Variants in ITSN1 observed in about 807,000 individuals in gnomAD.
ITSN1 encodes the protein intersectin 1.
ITSN1 carries 58 observed loss-of-function variants against 239.8 expected under a neutral mutation model. That is an observed-to-expected ratio of 0.24 (90% CI 0.20 to 0.30). The LOEUF is 0.30. ITSN1 is among the 10% of genes least tolerant of loss of function. The pLI, the probability that ITSN1 is intolerant of heterozygous loss-of-function variation, is 1.00. For synonymous variants in ITSN1, 780 were observed against 770.8 expected, an observed-to-expected ratio of 1.01 and a Z score of -0.20; for missense variants, 1,558 against 2,103.3, an observed-to-expected ratio of 0.74 and a Z score of 5.07.
intron 11 of ITSN1, among the ~76,000 whole-genome samples, chr21:33,768,087 C>A (rs1055899189): frequency 1.3e-5 from 2 of 152,050 alleles, no homozygotes; most frequent in African/African-American, 2.4e-5. Flanking sequence ...AACTGCTAAA[C>A]AAAAATTATG....
chr21:33,665,541 A>C (rs2089874712), intron 1 of ITSN1, among the ~76,000 whole-genome samples: 1 of 152,224 alleles, frequency 6.6e-6, no homozygotes, highest in Non-Finnish European at 1.5e-5. Flanking sequence ...GCTGGTGTGA[A>C]TGTAGCATGG....
intron 33 of ITSN1, among the ~76,000 whole-genome samples, chr21:33,870,502 AC>A (rs1456794234): frequency 6.6e-6 from 1 of 152,238 alleles, no homozygotes; most frequent in Non-Finnish European, 1.5e-5. Flanking sequence ...GCTATGAGAT[AC>A]ATATGAAATC....
rs542006305 is a variant in ITSN1, at chr21:33,643,707, C to A, written c.-33+994C>A. 2.6e-5 allele frequency: 4 copies of A among 152,246 alleles called. No homozygotes were observed. The South Asian group carries it at 8.3e-4, about 32-fold the overall frequency. 9.4% of individuals were successfully genotyped at this position (152,246 alleles called of 1,614,324 possible). ...GTGCTATTCTGAGGGCAGCAGCAAC[C>A]TGGAAATTTAGATACATGCAGGCTC... is the stretch of plus-strand genomic sequence containing the variant. On this transcript the variant is annotated intron_variant, in intron 1 of 39. Transcript: ENST00000381318.
chr21:33,771,808 G>A (rs535476064), intron 11 of ITSN1, among the ~76,000 whole-genome samples: 9 of 152,288 alleles, frequency 5.9e-5, no homozygotes, highest in East Asian at 1.9e-4. Context: ...GGGAAGGAAA[G>A]GAGTCTGGAT....
chr21:33,657,685 A>G (rs1477319813), intron 1 of ITSN1, among the ~76,000 whole-genome samples: 1 of 152,220 alleles, frequency 6.6e-6, no homozygotes, highest in East Asian at 1.9e-4. Context: ...GGTCCCCAAC[A>G]CAGGCAAATC....
At chr21:33,814,266 A>G (rs79996975) in intron 22 of ITSN1, 194 bp downstream of exon 22, 5,826 of 541,618 alleles carry the variant, frequency 0.011, 86 homozygotes, top group Non-Finnish European at 0.013. Flanking sequence ...GGGGTGGGAC[A>G]CAGTCAACTT....
intron 14 of ITSN1, among the ~76,000 whole-genome samples, chr21:33,778,148 C>G (rs971952449): frequency 4.6e-5 from 7 of 152,170 alleles, no homozygotes; most frequent in Admixed American, 2.0e-4. Context: ...GTATATTACC[C>G]TTTATTAAAA....
At chr21:33,871,888 A>G (rs1358318308) in intron 33 of ITSN1, among the ~76,000 whole-genome samples, 2 of 152,206 alleles carry the variant, frequency 1.3e-5, no homozygotes, top group East Asian at 1.9e-4. Flanking sequence ...CTCTTGGGCA[A>G]GTTGGGCCTC....
intron 4 of ITSN1, among the ~76,000 whole-genome samples, chr21:33,728,654 A>G (rs1010692371): frequency 6.6e-6 from 1 of 152,090 alleles, no homozygotes; most frequent in Non-Finnish European, 1.5e-5. Flanking sequence ...TTCAGGTTTC[A>G]GTTCATATGT....
intron 1 of ITSN1, among the ~76,000 whole-genome samples, chr21:33,711,689 T>C (rs887494994): frequency 8.9e-5 from 13 of 145,708 alleles, no homozygotes; most frequent in Non-Finnish European, 1.7e-4. Flanking sequence ...TGTGTGTGTG[T>C]GTTGTGTAAT....
chr21:33,731,720 T>C (rs750963045), intron 4 of ITSN1, among the ~76,000 whole-genome samples: 14 of 152,190 alleles, frequency 9.2e-5, no homozygotes, highest in Non-Finnish European at 1.6e-4. Flanking sequence ...TGTGATCGGA[T>C]TGGTAATTAC....
chr21:33,740,617 A>G (rs948388843), intron 5 of ITSN1, among the ~76,000 whole-genome samples: 1 of 152,298 alleles, frequency 6.6e-6, no homozygotes, highest in South Asian at 2.1e-4. Context: ...GAGGCTTGGA[A>G]GAGGGGAGAG....
At chr21:33,664,152 A>G (rs890625076) in intron 1 of ITSN1, among the ~76,000 whole-genome samples, 1 of 152,146 alleles carries the variant, frequency 6.6e-6, no homozygotes, top group Non-Finnish European at 1.5e-5. Flanking sequence ...TTTATAAAGA[A>G]AAAGGTTTAT....
chr21:33,872,036 G>A (rs577119657), intron 33 of ITSN1, among the ~76,000 whole-genome samples: 6 of 152,304 alleles, frequency 3.9e-5, no homozygotes, highest in Middle Eastern at 3.4e-3. Flanking sequence ...ACACTTATGC[G>A]CTAAATGTAC....
Position 33,893,258 on chromosome 21 carries a change from A to C in ITSN1, c.*4958A>C, listed in dbSNP as rs567195506. 6.6e-6 allele frequency: 1 copy of C among 152,172 alleles called. No individual in the cohort carries two copies. The highest frequency in any genetic ancestry group is 2.4e-5 in the African/African-American group (1 of 41,414). 9.4% of individuals were successfully genotyped at this position (152,172 alleles called of 1,614,324 possible). ...TTTTATTCTATTTTGAATGGTTCCG[A>C]TCAATTAATGTTGCTTTGTGTGGGG... On this transcript the variant is annotated 3_prime_UTR_variant, in exon 40 of 40. Transcript: ENST00000381318.
chr21:33,857,824 C>T (rs1240314773), intron 30 of ITSN1, among the ~76,000 whole-genome samples: 3 of 152,132 alleles, frequency 2.0e-5, no homozygotes, highest in Non-Finnish European at 2.9e-5. Flanking sequence ...CTGCAAAACG[C>T]ACCACCATAT....
chr21:33,771,103 C>T (rs931679310), intron 11 of ITSN1, among the ~76,000 whole-genome samples: 9 of 152,214 alleles, frequency 5.9e-5, no homozygotes, highest in Middle Eastern at 3.4e-3. Context: ...TAGAGGATAC[C>T]ATCTCCTCTG....
intron 2 of ITSN1, among the ~76,000 whole-genome samples, chr21:33,720,649 A>G (rs1203070699): frequency 6.6e-6 from 1 of 152,118 alleles, no homozygotes; most frequent in Non-Finnish European, 1.5e-5. Context: ...ATTCCATAAA[A>G]TTTACTAGCT....
At chr21:33,667,293 C>T (rs1350784955) in intron 1 of ITSN1, among the ~76,000 whole-genome samples, 1 of 151,794 alleles carries the variant, frequency 6.6e-6, no homozygotes, top group Non-Finnish European at 1.5e-5. Flanking sequence ...CTAAGGTAAG[C>T]TCTTTGTGAT....
Sources: gnomAD v4.1 joint callset for allele counts (sites outside exome capture counted in the v4.1 genomes callset) on GRCh38, gnomAD v4.1.1 for gene constraint, MANE v1.5 for transcripts, NCBI Gene and HGNC (gene_info 2026-07-23, HGNC 2026-07-21) for gene names.